TXNRD1: variants seen among roughly 807,000 people sequenced by gnomAD.
TXNRD1 encodes the protein thioredoxin reductase 1.
A neutral mutation model predicts 80.3 loss-of-function variants in TXNRD1; 57 were observed. The ratio of observed to expected loss-of-function variants is 0.71; its 90% CI spans 0.57 to 0.89. TXNRD1 has a LOEUF of 0.89. TXNRD1 is among the 40% of genes least tolerant of loss of function. The pLI, the probability that TXNRD1 is intolerant of heterozygous loss-of-function variation, is 0.00. For synonymous variants in TXNRD1, 291 were observed against 285.2 expected, an observed-to-expected ratio of 1.02 and a Z score of -0.20; for missense variants, 730 against 803.0, an observed-to-expected ratio of 0.91 and a Z score of 1.10.
intron 1 of TXNRD1, among the ~76,000 whole-genome samples, chr12:104,229,585 T>G (rs1172049716): frequency 6.6e-6 from 1 of 150,628 alleles, no homozygotes; most frequent in Non-Finnish European, 1.5e-5. Flanking sequence ...TTTATTTTAT[T>G]TTATTTTATT....
chr12:104,329,656 AAAAT>A (rs1351385697), intron 13 of TXNRD1, among the ~76,000 whole-genome samples: 2 of 152,140 alleles, frequency 1.3e-5, no homozygotes, highest in Non-Finnish European at 2.9e-5. Flanking sequence ...TCCAAAAAAA[AAAAT>A]AAATAAATAA....
intron 9 of TXNRD1, among the ~76,000 whole-genome samples, chr12:104,320,365 TTTTTATGAGGACAG>T (rs2035485514): frequency 6.6e-6 from 1 of 152,168 alleles, no homozygotes; most frequent in Non-Finnish European, 1.5e-5. Flanking sequence ...TCTGGGGCCT[TTTTTATGAGGACAG>T]TAGCCCCATT....
chr12:104,331,942 T>A (rs2135864580), intron 14 of TXNRD1, among the ~76,000 whole-genome samples: 1 of 152,280 alleles, frequency 6.6e-6, no homozygotes, highest in South Asian at 2.1e-4. Context: ...GTAGTGTAGT[T>A]ACCACTTTCA....
At chr12:104,289,072 G>C in intron 4 of TXNRD1, 32 bp downstream of exon 4, 1 of 1,599,428 alleles carries the variant, frequency 6.3e-7, no homozygotes, top group Non-Finnish European at 8.6e-7. Flanking sequence ...TTTTAAACGG[G>C]GGATGAGCTC....
At chr12:104,287,228 G>C (rs1462401922) in intron 3 of TXNRD1, 1 of 1,611,874 alleles carries the variant, frequency 6.2e-7, no homozygotes, top group Non-Finnish European at 8.5e-7. Flanking sequence ...TGTGCGTCTC[G>C]GGGAAGGGAA....
chr12:104,337,741 A>G (rs1484272072), intron 15 of TXNRD1, among the ~76,000 whole-genome samples: 1 of 151,888 alleles, frequency 6.6e-6, no homozygotes, highest in African/African-American at 2.4e-5. Flanking sequence ...ATGGTCTTGC[A>G]CTATTTATCC....
chr12:104,304,518 T>G (rs1403583044), intron 4 of TXNRD1: 1 of 1,613,862 alleles, frequency 6.2e-7, no homozygotes, highest in Non-Finnish European at 8.5e-7. Context: ...GTTCGCAAGA[T>G]GGAAGAAAAT....
intron 11 of TXNRD1, 107 bp downstream of exon 11, chr12:104,325,536 T>C: frequency 1.3e-6 from 1 of 797,706 alleles, no homozygotes; most frequent in South Asian, 1.6e-5. Context: ...AATGTACTGG[T>C]TCTATGCCAA....
chr12:104,236,661 T>A (rs1286086030), intron 1 of TXNRD1, among the ~76,000 whole-genome samples: 7 of 151,826 alleles, frequency 4.6e-5, no homozygotes, highest in Non-Finnish European at 2.9e-5. Context: ...TGGTGGTGCA[T>A]GCCTGTAATC....
At chr12:104,269,896 T>C (rs948391125) in intron 3 of TXNRD1, among the ~76,000 whole-genome samples, 3 of 152,014 alleles carry the variant, frequency 2.0e-5, no homozygotes, top group Non-Finnish European at 2.9e-5. Flanking sequence ...ATTTTTTTTG[T>C]AGAGACAGGG....
intron 14 of TXNRD1, 114 bp downstream of exon 14, chr12:104,331,755 C>A (rs2035956457): frequency 6.1e-6 from 4 of 657,912 alleles, no homozygotes; most frequent in Non-Finnish European, 1.0e-5. Flanking sequence ...TACCCGTTAT[C>A]CAGATTCATA....
At position 104,318,957 on chromosome 12, in the gene TXNRD1, A is replaced by C. The variant is rs777492995; in HGVS notation, c.775A>C (p.Ile259Leu). 1.1e-5 allele frequency: 17 copies of C among 1,613,966 alleles called. No individual in the cohort carries two copies. Among genetic ancestry groups the C allele is most frequent in the African/African-American group, 1.3e-5 (1 of 75,052 alleles). The change falls in exon 8 of 17, where the codon ATT (isoleucine) becomes CTT (leucine). Residue 259 changes from isoleucine (I) to leucine (L), a missense_variant. By Grantham distance (5) the Ile-to-Leu change is conservative. Coordinates refer to ENST00000525566, the MANE Select transcript of TXNRD1 (RefSeq NM_001093771.3). ...DRMIEAVQNH[I>L]GSLNWGYRVA... ...AATGATAGAAGCTGTACAGAATCACATTGGCTCTTTGAATTGGGGCTACCG... is the reference window on the plus strand; with the variant it reads ...AATGATAGAAGCTGTACAGAATCACCTTGGCTCTTTGAATTGGGGCTACCG...
At chr12:104,296,336 A>G (rs2034434367) in intron 4 of TXNRD1, among the ~76,000 whole-genome samples, 1 of 152,142 alleles carries the variant, frequency 6.6e-6, no homozygotes. Flanking sequence ...TTCTGTGCCT[A>G]CTTGTACTTT....
intron 4 of TXNRD1, among the ~76,000 whole-genome samples, chr12:104,290,730 T>TAC (rs2034163993): frequency 1.1e-5 from 1 of 92,352 alleles, no homozygotes; most frequent in Non-Finnish European, 2.1e-5. Context: ...CATATATATA[T>TAC]ATATATATAT....
At chr12:104,262,232 T>TAAAAAAAAAA (rs56774416) in intron 3 of TXNRD1, 2 of 93,730 alleles carry the variant, frequency 2.1e-5, no homozygotes, top group Non-Finnish European at 4.0e-5. Flanking sequence ...GACTCTGTAT[T>TAAAAAAAAAA]AAAAAAAAAA....
chr12:104,303,904 G>A, intron 4 of TXNRD1: 1 of 1,552,348 alleles, frequency 6.4e-7, no homozygotes, highest in Non-Finnish European at 8.7e-7. Context: ...GCGAGTACGC[G>A]GCGAAGTAGG....
At chr12:104,244,001 C>G (rs1368816224) in intron 1 of TXNRD1, among the ~76,000 whole-genome samples, 1 of 152,178 alleles carries the variant, frequency 6.6e-6, no homozygotes, top group African/African-American at 2.4e-5. Flanking sequence ...ATATTTCATG[C>G]TACCTTTCTG....
intron 1 of TXNRD1, among the ~76,000 whole-genome samples, chr12:104,225,599 C>T (rs376975315): frequency 2.6e-5 from 4 of 152,114 alleles, no homozygotes; most frequent in Non-Finnish European, 4.4e-5. Flanking sequence ...AAGGGCTTCC[C>T]CCTTCACTTG....
chr12:104,306,434 C>T (rs2135793517), intron 4 of TXNRD1, among the ~76,000 whole-genome samples: 1 of 152,258 alleles, frequency 6.6e-6, no homozygotes, highest in Admixed American at 6.5e-5. Flanking sequence ...CCTATAGGAG[C>T]TTAATTTTTG....
Sources: gnomAD v4.1 joint callset for allele counts (sites outside exome capture counted in the v4.1 genomes callset) on GRCh38, gnomAD v4.1.1 for gene constraint, MANE v1.5 for transcripts, NCBI Gene and HGNC (gene_info 2026-07-23, HGNC 2026-07-21) for gene names.